ZNF569: variants seen among roughly 807,000 people sequenced by gnomAD.
The protein encoded by ZNF569 is zinc finger protein 569.
ZNF569 carries 38 observed loss-of-function variants against 56.3 expected under a neutral mutation model. That is an observed-to-expected ratio of 0.68 (90% confidence interval 0.52 to 0.88). The LOEUF is 0.88. ZNF569 is among the 40% of genes least tolerant of loss of function. The pLI is 0.00. For missense variants in ZNF569, 666 were observed against 809.2 expected (o/e 0.82, Z 2.15); for synonymous variants, 241 against 262.9 (o/e 0.92, Z 0.81).
At chr19:37,454,091 G>C (rs1238049017) in intron 2 of ZNF569, among the ~76,000 whole-genome samples, 2 of 152,148 alleles carry the variant, frequency 1.3e-5, no homozygotes, top group Admixed American at 6.5e-5. Context: ...TCAATAGCTG[G>C]ACAGGGTTTG....
Position 37,411,740 on chromosome 19 carries a change from A to G in ZNF569, c.*857T>C, listed in dbSNP as rs2040843948. 6.6e-6 allele frequency: 1 copy of G among 152,148 alleles called. No homozygotes were observed. Among genetic ancestry groups the G allele is most frequent in the African/African-American group, 2.4e-5 (1 of 41,458 alleles). The allele number at this position is 152,148 out of a possible 1,614,324, so 9.4% of individuals were successfully genotyped here. On this transcript the variant is annotated 3_prime_UTR_variant, in exon 6 of 6. Coordinates refer to ENST00000316950, the MANE Select transcript of ZNF569 (RefSeq NM_152484.3). The stretch of plus-strand genomic sequence containing the variant: ...AGAAAGCTAAAATTTTTCTCCTATG[A>G]ACCTTCCATTTATTAAATAAGCCAT...
In ZNF569 at chr19:37,426,267, T is replaced by C. The variant is rs1461719300; in HGVS notation, c.127A>G (p.Asn43Asp). The change falls in exon 4 of 6, where the codon AAC (asparagine) becomes GAC (aspartate). Residue 43 changes from asparagine to aspartate, a missense_variant. Physicochemically the swap from Asn to Asp is conservative, Grantham distance 23 (BLOSUM62 1). Coordinates refer to ENST00000316950, the MANE Select transcript of ZNF569 (RefSeq NM_152484.3). Reference protein sequence around the residue: ...YRNVMLENYNNLITVGYPFTK... With the variant: ...YRNVMLENYNDLITVGYPFTK... ...TTACTCTTACCTACTGTGATTAAGT[T>C]GTTATAGTTTTCTAGCATCACATTC... 4.3e-6 allele frequency: 7 copies of C among 1,612,042 alleles called. No homozygotes were observed. The highest frequency in any genetic ancestry group is 5.9e-6 in the Non-Finnish European group (7 of 1,179,394).
At chr19:37,468,026 C>A, upstream of ZNF569, 2 of 1,164,254 alleles carry the variant, frequency 1.7e-6, no homozygotes, top group Non-Finnish European at 1.2e-6. Context: ...GCCTTACTAG[C>A]TGTGTCATCT....
At chr19:37,434,441 C>T (rs1688128049) in intron 3 of ZNF569, among the ~76,000 whole-genome samples, 1 of 152,196 alleles carries the variant, frequency 6.6e-6, no homozygotes, top group Non-Finnish European at 1.5e-5. Context: ...GTAATCCCAA[C>T]CCCTTGGGAG....
chr19:37,426,197 G>GA (rs1177972349), intron 4 of ZNF569, 55 bp downstream of exon 4: 23 of 1,542,820 alleles, frequency 1.5e-5, no homozygotes, highest in Admixed American at 2.0e-5. Context: ...ACACTGGGAG[G>GA]AAAAAAAAGG....
At chr19:37,417,455 C>T (rs2040952845) in intron 5 of ZNF569, among the ~76,000 whole-genome samples, 1 of 151,812 alleles carries the variant, frequency 6.6e-6, no homozygotes, top group South Asian at 2.1e-4. Context: ...CACCATGTTG[C>T]CCTGGGTGGT....
chr19:37,433,512 C>T (rs2041258668), intron 3 of ZNF569, among the ~76,000 whole-genome samples: 1 of 152,016 alleles, frequency 6.6e-6, no homozygotes, highest in South Asian at 2.1e-4. Flanking sequence ...TATAGAACAC[C>T]AAGTAGATTT....
At chr19:37,458,772 G>A (rs987597970) in intron 2 of ZNF569, among the ~76,000 whole-genome samples, 1 of 152,188 alleles carries the variant, frequency 6.6e-6, no homozygotes, top group African/African-American at 2.4e-5. Context: ...AATATTTTGA[G>A]TGCTCTATGA....
At chr19:37,421,995 C>T (rs1006915530) in intron 5 of ZNF569, among the ~76,000 whole-genome samples, 2 of 152,078 alleles carry the variant, frequency 1.3e-5, no homozygotes, top group African/African-American at 2.4e-5. Flanking sequence ...AGCAATCCAC[C>T]GGCCTCAGCC....
At chr19:37,463,948 A>T (rs2041792831) in intron 2 of ZNF569, among the ~76,000 whole-genome samples, 1 of 152,226 alleles carries the variant, frequency 6.6e-6, no homozygotes, top group South Asian at 2.1e-4. Context: ...TTTTAAGTTA[A>T]GTATTATTAT....
At chr19:37,440,575 G>C (rs1485981118) in intron 3 of ZNF569, among the ~76,000 whole-genome samples, 1 of 152,106 alleles carries the variant, frequency 6.6e-6, no homozygotes, top group Non-Finnish European at 1.5e-5. Flanking sequence ...ATATGTATGT[G>C]AATTTCAGGT....
At chr19:37,438,265 C>T (rs1371472449) in intron 3 of ZNF569, among the ~76,000 whole-genome samples, 2 of 151,952 alleles carry the variant, frequency 1.3e-5, no homozygotes, top group South Asian at 2.1e-4. Flanking sequence ...TGGTGGTGTG[C>T]ACCTGTGGTA....
chr19:37,448,556 C>CTTTTTTTTT (rs545559315), intron 2 of ZNF569, among the ~76,000 whole-genome samples: 5 of 72,530 alleles, frequency 6.9e-5, no homozygotes, highest in Non-Finnish European at 9.5e-5. Context: ...ATGCTGTAAT[C>CTTTTTTTTT]TTTTTTTTTT....
Position 37,413,427 on chromosome 19 carries a change from C to T in ZNF569, c.1231G>A (p.Glu411Lys), listed in dbSNP as rs751534858. 23 of 1,613,608 alleles carry T rather than the reference C, an allele frequency of 1.4e-5. No individual in the cohort carries two copies. The South Asian group carries it at 2.4e-4, about 17-fold the overall frequency. ...AAGGCTTTTCTGCATTCCTTACATT[C>T]ATAGGGTTTCTCACCAGTGTGACTT... is the stretch of plus-strand genomic sequence containing the variant. ...MRSHTGEKPYECKECRKAFSH... is the reference protein window; with the variant it reads ...MRSHTGEKPYKCKECRKAFSH... Residue 411 changes from glutamate to lysine, a missense_variant, in exon 6 of 6, where the codon GAA becomes AAA. Coordinates refer to ENST00000316950, the MANE Select transcript of ZNF569 (RefSeq NM_152484.3).
chr19:37,425,425 G>A (rs1417383978), intron 5 of ZNF569, among the ~76,000 whole-genome samples: 2 of 149,270 alleles, frequency 1.3e-5, no homozygotes, highest in African/African-American at 2.5e-5. Context: ...GGGTTCAAGC[G>A]ATTCTCCTGC....
chr19:37,452,974 C>T (rs1312788000), intron 2 of ZNF569, among the ~76,000 whole-genome samples: 7 of 152,124 alleles, frequency 4.6e-5, no homozygotes, highest in Non-Finnish European at 1.0e-4. Flanking sequence ...CTATAACCCA[C>T]TTAAGCCTTC....
intron 5 of ZNF569, among the ~76,000 whole-genome samples, chr19:37,417,076 G>A (rs115118728): frequency 0.013 from 2,028 of 152,228 alleles, 41 homozygotes; most frequent in African/African-American, 0.045. Context: ...CAAGAGACAT[G>A]GAAGAAATGC....
chr19:37,413,591 C>T lies in ZNF569; in HGVS notation c.1067G>A (p.Cys356Tyr), dbSNP rs778351919. The change falls in exon 6 of 6, where the codon TGT becomes TAT. Residue 356 changes from cysteine to tyrosine, a missense_variant. Physicochemically the swap from Cys to Tyr is radical, Grantham distance 194. Transcript: ENST00000316950. ...RSHTGEKPYK[C>Y]DKCGKAFSQF... is the part of the protein sequence containing the mutation. ...AGAGAAGGCTTTACCACATTTATCACATTTATAAGGTTTTTCTCCTGTATG... is the reference window on the plus strand; with the variant it reads ...AGAGAAGGCTTTACCACATTTATCATATTTATAAGGTTTTTCTCCTGTATG... The T allele has an allele frequency of 6.2e-7, 1 of 1,613,802 alleles. No homozygotes were observed. The highest frequency in any genetic ancestry group is 1.1e-5 in the South Asian group (1 of 91,030).
intron 3 of ZNF569, among the ~76,000 whole-genome samples, chr19:37,437,056 G>C (rs2041321936): frequency 6.7e-6 from 1 of 148,762 alleles, no homozygotes; most frequent in African/African-American, 2.5e-5. Context: ...CAATATCCTT[G>C]CTGAACATTG....
Sources: allele counts gnomAD v4.1 joint callset (sites outside exome capture counted in the v4.1 genomes callset), GRCh38; gene constraint gnomAD v4.1.1; transcripts MANE v1.5; gene names NCBI Gene and HGNC (gene_info 2026-07-23, HGNC 2026-07-21).